KAZN: variants seen among roughly 807,000 people sequenced by gnomAD.
KAZN encodes kazrin.
In KAZN, 40 loss-of-function variants were observed where a neutral mutation model predicts 87.4. The ratio of observed to expected loss-of-function variants is 0.46; its 90% CI spans 0.36 to 0.60. The LOEUF is 0.60. KAZN is among the 20% of genes least tolerant of loss of function. The pLI is 0.00. For synonymous variants in KAZN, 466 were observed against 458.3 expected, an observed-to-expected ratio of 1.02 and a Z score of -0.22; for missense variants, 898 against 1,073.9, an observed-to-expected ratio of 0.84 and a Z score of 2.29.
intron 1 of KAZN, among the ~76,000 whole-genome samples, chr1:14,777,870 G>A (rs1003630679): frequency 2.6e-5 from 4 of 152,092 alleles, no homozygotes; most frequent in Admixed American, 1.3e-4. Flanking sequence ...CTGCATTGCC[G>A]TGGCATTTGT....
intron 1 of KAZN, among the ~76,000 whole-genome samples, chr1:14,812,984 C>G (rs112702995): frequency 1.1e-3 from 163 of 152,252 alleles, no homozygotes; most frequent in Non-Finnish European, 1.8e-3. Flanking sequence ...ATTAGCTAAC[C>G]CAACCAACCA....
At chr1:13,895,936 TCCTGAACAACC>T (rs138976939) in intron 1 of KAZN, among the ~76,000 whole-genome samples, 13,700 of 152,176 alleles carry the variant, frequency 0.09, 881 homozygotes, top group East Asian at 0.36. Context: ...TGATACCATT[TCCTGAACAACC>T]CTTCTTATAT....
At chr1:14,089,227 C>T (rs185404422) in intron 1 of KAZN, among the ~76,000 whole-genome samples, 15 of 151,578 alleles carry the variant, frequency 9.9e-5, no homozygotes, top group Non-Finnish European at 3.0e-5. Context: ...TGGGTCTTGC[C>T]GTTTTATCCA....
At chr1:14,694,291 A>G (rs978342941) in intron 1 of KAZN, among the ~76,000 whole-genome samples, 2 of 152,252 alleles carry the variant, frequency 1.3e-5, no homozygotes, top group Non-Finnish European at 2.9e-5. Context: ...GGAAGGGTCA[A>G]TGGGCCTGGT....
At chr1:14,471,425 G>A (rs1668447228) in intron 2 of KAZN, among the ~76,000 whole-genome samples, 1 of 152,134 alleles carries the variant, frequency 6.6e-6, no homozygotes, top group Non-Finnish European at 1.5e-5. Flanking sequence ...AATTTCATCT[G>A]AAGGGCTGAA....
chr1:14,671,159 G>A (rs190618152), intron 1 of KAZN, among the ~76,000 whole-genome samples: 7 of 152,304 alleles, frequency 4.6e-5, no homozygotes, highest in African/African-American at 1.7e-4. Context: ...AATGAGGGCT[G>A]TTGTCCAATA....
intron 2 of KAZN, among the ~76,000 whole-genome samples, chr1:14,381,954 A>G (rs1290592161): frequency 6.6e-6 from 1 of 152,240 alleles, no homozygotes; most frequent in African/African-American, 2.4e-5. Context: ...AAAAACTATT[A>G]GAACTGATCA....
chr1:14,468,680 T>G (rs1668290457), intron 2 of KAZN, among the ~76,000 whole-genome samples: 1 of 152,194 alleles, frequency 6.6e-6, no homozygotes, highest in Non-Finnish European at 1.5e-5. Flanking sequence ...TATTGGAGAT[T>G]GAGTGCAGGC....
intron 2 of KAZN, among the ~76,000 whole-genome samples, chr1:14,236,625 T>C (rs972018474): frequency 2.6e-5 from 4 of 152,142 alleles, no homozygotes. Flanking sequence ...TCATATTGCA[T>C]AAAACGTATC....
Position 14,754,718 on chromosome 1 carries a change from C to T in KAZN, c.226+155495C>T, listed in dbSNP as rs542588973. ...TGTTTGTGGCTGAGGTTCATGCTTC[C>T]TAACATGGGAAAATGTGTTCTCATG... On this transcript the variant is annotated intron_variant, in intron 1 of 14. Transcript: ENST00000376030. Among the ~76,000 whole-genome samples, 4 of 152,132 alleles carry T rather than the reference C, an allele frequency of 2.6e-5. No homozygotes were observed. In the East Asian group the frequency reaches 5.8e-4, roughly 22 times the overall value.
intron 1 of KAZN, among the ~76,000 whole-genome samples, chr1:14,693,383 G>A (rs150679343): frequency 5.3e-5 from 8 of 152,314 alleles, no homozygotes; most frequent in South Asian, 2.1e-4. Context: ...TTGGTATTGC[G>A]TCTCTGGGTC....
intron 2 of KAZN, among the ~76,000 whole-genome samples, chr1:14,534,700 C>G (rs762958874): frequency 6.6e-6 from 1 of 152,086 alleles, no homozygotes; most frequent in Non-Finnish European, 1.5e-5. Context: ...CAAATTTTCA[C>G]CTCTTAGGAT....
intron 13 of KAZN, among the ~76,000 whole-genome samples, chr1:15,110,842 G>A (rs1641583419): frequency 6.6e-6 from 1 of 152,202 alleles, no homozygotes; most frequent in Admixed American, 6.5e-5. Flanking sequence ...TTGGTCTTCT[G>A]TCTCTTCAGT....
At chr1:14,929,690 C>A in intron 1 of KAZN, 1 of 850,338 alleles carries the variant, frequency 1.2e-6, no homozygotes, top group Middle Eastern at 6.0e-4. Flanking sequence ...TGTAAACACT[C>A]CAGAGAGACA....
intron 1 of KAZN, among the ~76,000 whole-genome samples, chr1:14,734,450 T>C (rs1199494701): frequency 6.6e-6 from 1 of 152,028 alleles, no homozygotes; most frequent in Non-Finnish European, 1.5e-5. Context: ...ATTGCAGGCA[T>C]GCACCACCAC....
intron 8 of KAZN, among the ~76,000 whole-genome samples, chr1:15,090,407 T>G (rs1640477717): frequency 6.6e-6 from 1 of 152,212 alleles, no homozygotes; most frequent in African/African-American, 2.4e-5. Context: ...CAGTGCCTGT[T>G]CCAATCCCTA....
At chr1:14,840,819 T>C (rs903622925) in intron 1 of KAZN, among the ~76,000 whole-genome samples, 2 of 152,226 alleles carry the variant, frequency 1.3e-5, no homozygotes, top group African/African-American at 4.8e-5. Flanking sequence ...TCATATCTAT[T>C]GAATGCATGC....
intron 1 of KAZN, among the ~76,000 whole-genome samples, chr1:14,959,067 G>A (rs1663525112): frequency 6.6e-6 from 1 of 152,246 alleles, no homozygotes; most frequent in Non-Finnish European, 1.5e-5. Context: ...AGGCGCTGAT[G>A]AGTGCTGCGG....
At chr1:14,413,948 C>A (rs978193697) in intron 2 of KAZN, among the ~76,000 whole-genome samples, 1 of 152,112 alleles carries the variant, frequency 6.6e-6, no homozygotes, top group African/African-American at 2.4e-5. Context: ...AAATGTTTGA[C>A]CTCATTAGTA....
Sources: allele counts gnomAD v4.1 joint callset (sites outside exome capture counted in the v4.1 genomes callset), GRCh38; gene constraint gnomAD v4.1.1; transcripts MANE v1.5; gene names NCBI Gene and HGNC (gene_info 2026-07-23, HGNC 2026-07-21).